The following MLXIPL variants were observed in gnomAD, a reference collection of about 807,000 sequenced individuals.
MLXIPL encodes MLX interacting protein like.
Under a neutral mutation model 81.5 loss-of-function variants are expected in MLXIPL, and 49 were observed. That is an observed-to-expected ratio of 0.60 (90% CI 0.48 to 0.76). The LOEUF (loss-of-function observed/expected upper bound fraction) is 0.76, where lower values mean the gene tolerates loss of function less well. Among genes scored for constraint, MLXIPL ranks in the 30% least tolerant of loss-of-function variants. The pLI is 0.00. For missense variants in MLXIPL, 1,053 were observed against 1,167.0 expected, an observed-to-expected ratio of 0.90 and a Z score of 1.42; for synonymous variants, 466 against 485.5, an observed-to-expected ratio of 0.96 and a Z score of 0.53.
At chr7:73,629,571 A>C in the MLXIPL span, among the ~76,000 whole-genome samples, 3 of 152,174 alleles carry the variant, frequency 2.0e-5, no homozygotes, top group Admixed American at 6.6e-5. Flanking sequence ...TGTCTCTACA[A>C]AAAATTAAAA....
At chr7:73,613,534 G>T (rs1267250873) in intron 2 of MLXIPL, among the ~76,000 whole-genome samples, 4 of 152,118 alleles carry the variant, frequency 2.6e-5, no homozygotes, top group South Asian at 2.1e-4. Flanking sequence ...GGAGGTGAAG[G>T]TTGCAGTGAG....
intron 1 of MLXIPL, among the ~76,000 whole-genome samples, chr7:73,619,460 CAAA>C (rs1463451518): frequency 4.6e-5 from 4 of 87,532 alleles, no homozygotes; most frequent in Admixed American, 2.5e-4. Context: ...GACTCCATCT[CAAA>C]AAAAAAAAAA....
Position 73,596,593 on chromosome 7 carries a change from C to T in MLXIPL, c.1822+46G>A. On this transcript the variant is annotated intron_variant, in intron 11 of 16. Transcript: ENST00000313375. This position sits in a 1 kb window ranked among gnomAD's most constrained non-coding sequence, Gnocchi z 4.7. Reference sequence around the variant, plus strand: ...AGTCCCCTTCTTCTTCCTCCTCTTCCCCTCATCCCCTAGATTCCCCCAATC... The same window carrying T: ...AGTCCCCTTCTTCTTCCTCCTCTTCTCCTCATCCCCTAGATTCCCCCAATC... 6.2e-7 allele frequency: 1 copy of T among 1,602,076 alleles called. No individual in the cohort carries two copies. Among genetic ancestry groups the T allele is most frequent in the Non-Finnish European group, 8.5e-7 (1 of 1,174,668 alleles).
rs782670637 is a variant in MLXIPL, at chr7:73,607,620, C to T, written c.453G>A (p.Gly151=). The change falls in exon 3 of 17, where the codon GGG becomes GGA. Residue 151 remains glycine, a synonymous_variant. Transcript: ENST00000313375. The part of the protein sequence containing the change: ...PVCGFVTPLQ[G]PEADAHRKPE... The stretch of plus-strand genomic sequence containing the variant: ...GCTTCCGGTGCGCATCAGCCTCAGG[C>T]CCCTGCAGGGGGGTCACGAAGCCAC... The T allele has an allele frequency of 6.2e-7, 1 of 1,613,402 alleles. No homozygotes were observed. The highest frequency in any genetic ancestry group is 1.3e-5 in the African/African-American group (1 of 75,032).
rs1252493175 is a variant in MLXIPL, at chr7:73,607,710, C to G, written c.401-38G>C. ...GGCCAGGTCAGGGGCACCCAGCTTC[C>G]TCATCCCCCACCTCACCCCAGGGGA... On this transcript the variant is annotated intron_variant, in intron 2 of 16. Coordinates refer to ENST00000313375, the MANE Select transcript of MLXIPL (RefSeq NM_032951.3). 2.5e-6 allele frequency: 4 copies of G among 1,582,300 alleles called. No individual in the cohort carries two copies. In the African/African-American group the frequency reaches 5.4e-5, roughly 21 times the overall value.
chr7:73,644,656 G>T, the MLXIPL span, among the ~76,000 whole-genome samples: 2 of 152,054 alleles, frequency 1.3e-5, no homozygotes, highest in Non-Finnish European at 2.9e-5. Context: ...CCCCCAGCCC[G>T]CCCTTTCTTC....
At chr7:73,628,510 T>G (rs1223071083), upstream of MLXIPL, among the ~76,000 whole-genome samples, 1 of 152,196 alleles carries the variant, frequency 6.6e-6, no homozygotes, top group Non-Finnish European at 1.5e-5. Context: ...TTCTCCTGTG[T>G]TTAGAGACAG....
chr7:73,639,622 A>C, the MLXIPL span, among the ~76,000 whole-genome samples: 3 of 152,000 alleles, frequency 2.0e-5, no homozygotes, highest in Admixed American at 2.0e-4. Flanking sequence ...TTAAAAAAAA[A>C]AATGGAGATA....
chr7:73,605,573 A>G lies in MLXIPL; in HGVS notation c.901+115T>C, dbSNP rs58590745. On this transcript the variant is annotated intron_variant, in intron 7 of 16. Transcript: ENST00000313375. ...AATAAATAAATAAATAAAAAGACAG[A>G]AAAAAAGAAACGACCCAGACTATCA... 989 of 906,264 alleles carry G rather than the reference A, an allele frequency of 1.1e-3. 8 individuals are homozygous for G. The African/African-American group carries it at 0.015, about 14-fold the overall frequency. The allele number at this position is 906,264 out of a possible 1,614,324, so 56.1% of individuals were successfully genotyped here. A position where few individuals can be genotyped will look rare whatever the true frequency, so the allele number is the denominator to read the frequency against.
chr7:73,594,404 C>A lies in MLXIPL; in HGVS notation c.2311-1G>T. ...ACAGAGGCCGGATGAGGATGCTGAA[C>A]TGGGCCCAGGTCAAGGAGCTGCCTG... On this transcript the variant is annotated splice_acceptor_variant, in intron 15 of 16. Coordinates refer to ENST00000313375, the MANE Select transcript of MLXIPL (RefSeq NM_032951.3). LOFTEE classifies it high-confidence loss of function. 1 of 1,601,790 alleles carries A rather than the reference C, an allele frequency of 6.2e-7. No homozygotes were observed.
chr7:73,596,944 C>T lies in MLXIPL; in HGVS notation c.1604-12G>A. 1 of 1,606,320 alleles carries T rather than the reference C, an allele frequency of 6.2e-7. No individual in the cohort carries two copies. Among genetic ancestry groups the T allele is most frequent in the Non-Finnish European group, 8.5e-7 (1 of 1,178,158 alleles). On this transcript the variant is annotated splice_polypyrimidine_tract_variant and intron_variant, in intron 9 of 16. Coordinates refer to ENST00000313375, the MANE Select transcript of MLXIPL (RefSeq NM_032951.3). The surrounding 1 kb of genome is among the most constrained non-coding windows in gnomAD (Gnocchi z 4.7). ...TTGCTCCGGCTTAGCTGTGCACGGG[C>T]AGAACCGTGAGGCTACTGGGGCTGG...
At chr7:73,599,461 A>C in intron 8 of MLXIPL, 65 bp downstream of exon 8, 18 of 1,582,600 alleles carry the variant, frequency 1.1e-5, no homozygotes, top group Non-Finnish European at 1.6e-5. Context: ...CCTCCTGGAC[A>C]TGAACAGGGC....
intron 16 of MLXIPL, 56 bp from the exon 17 acceptor site, chr7:73,594,039 C>T (rs1317916149): frequency 6.6e-7 from 1 of 1,521,880 alleles, no homozygotes; most frequent in Non-Finnish European, 9.1e-7. Flanking sequence ...GGGCCCTACC[C>T]TTGGATGTGG....
intron 2 of MLXIPL, among the ~76,000 whole-genome samples, chr7:73,608,020 C>A (rs1172485430): frequency 2.6e-5 from 4 of 151,698 alleles, no homozygotes; most frequent in African/African-American, 9.7e-5. Context: ...CCAGGCCCAG[C>A]TAATTTTTGT....
the MLXIPL span, among the ~76,000 whole-genome samples, chr7:73,642,716 G>A: frequency 6.6e-6 from 1 of 151,828 alleles, no homozygotes; most frequent in Non-Finnish European, 1.5e-5. Flanking sequence ...GTCTGGTCTT[G>A]AACTTCCAGG....
At chr7:73,618,842 C>T (rs539682967) in intron 1 of MLXIPL, among the ~76,000 whole-genome samples, 29 of 152,274 alleles carry the variant, frequency 1.9e-4, no homozygotes, top group African/African-American at 7.0e-4. Flanking sequence ...ATTCTGATCA[C>T]CCCGTGTCGC....
chr7:73,594,246 C>T (rs782756157), intron 16 of MLXIPL, 28 bp downstream of exon 16: 1 of 1,610,406 alleles, frequency 6.2e-7, no homozygotes, highest in Non-Finnish European at 8.5e-7. Flanking sequence ...CTGGGTCCCT[C>T]TAGCAGGCAG....
chr7:73,602,832 T>C (rs782152429), intron 7 of MLXIPL, among the ~76,000 whole-genome samples: 3 of 152,176 alleles, frequency 2.0e-5, no homozygotes, highest in Non-Finnish European at 4.4e-5. Flanking sequence ...GGCCTAGGGC[T>C]CCTCCCTGCT....
At position 73,599,576 on chromosome 7, in the gene MLXIPL, G is replaced by A. The variant is rs1554595391; in HGVS notation, c.1021C>T (p.Pro341Ser). 6.2e-7 allele frequency: 1 copy of A among 1,612,866 alleles called. No individual in the cohort carries two copies. The highest frequency in any genetic ancestry group is 8.5e-7 in the Non-Finnish European group (1 of 1,179,514). The change falls in exon 8 of 17, where the codon CCC (proline) becomes TCC (serine). Residue 341 changes from proline (P) to serine (S), a missense_variant. Pro to Ser is a moderately conservative substitution (Grantham distance 74). Around this residue, in one of 3 missense-constraint regions of MLXIPL, gnomAD observed 823 missense variants for 933.0 expected, o/e 0.88. Transcript: ENST00000313375. ...FSSGTLGPEV[P>S]PASSAMTHLS... ...TGGGTCATGGCCGAGGAAGCCGGGG[G>A]CACCTCTGGGCCCAGGGTCCCACTG...
Sources: allele counts gnomAD v4.1 joint callset (sites outside exome capture counted in the v4.1 genomes callset), GRCh38; gene constraint gnomAD v4.1.1; regional missense constraint gnomAD v4.1.1; non-coding constraint Gnocchi (gnomAD v3.1); transcripts MANE v1.5; gene names NCBI Gene and HGNC (gene_info 2026-07-23, HGNC 2026-07-21).